Variants in NTM observed in about 807,000 individuals in gnomAD.
NTM encodes IgLON family member 2.
A neutral mutation model predicts 42.1 loss-of-function variants in NTM; 13 were observed. That is an observed-to-expected ratio of 0.31 (90% CI 0.20 to 0.49). The LOEUF (loss-of-function observed/expected upper bound fraction) is 0.49. Ranked by LOEUF, NTM falls within the 20% of genes least tolerant of loss-of-function variation. The probability of loss-of-function intolerance (pLI) is 0.99; values close to 1 mark genes in which losing one functional copy is unlikely to be tolerated. For missense variants in NTM, 373 were observed against 452.8 expected (o/e 0.82, Z 1.60); for synonymous variants, 187 against 179.2 (o/e 1.04, Z -0.35).
intron 2 of NTM, among the ~76,000 whole-genome samples, chr11:132,025,038 C>T (rs1357621123): frequency 6.6e-6 from 1 of 152,192 alleles, no homozygotes; most frequent in African/African-American, 2.4e-5. Flanking sequence ...CTGGAGACTC[C>T]TGTGTCTGAA....
chr11:131,913,295 G>A (rs1393689513), intron 2 of NTM, among the ~76,000 whole-genome samples: 1 of 152,156 alleles, frequency 6.6e-6, no homozygotes, highest in East Asian at 1.9e-4. Flanking sequence ...CAGGGACAGA[G>A]ACATTCTGAA....
rs192619247 is a variant in NTM at position 131,399,545 on chromosome 11, A to G, written c.82+28657A>G. ...TGAGGAGACTGAAGAGGATAGTTGA[A>G]CTGACACAGAAACTGAGTGATAGGG... On this transcript the variant is annotated intron_variant, in intron 1 of 8. Transcript: ENST00000683400. Among the ~76,000 whole-genome samples, 70 of 152,310 alleles carry G rather than the reference A, an allele frequency of 4.6e-4. No homozygotes were observed. In the East Asian group the frequency reaches 0.013, roughly 29 times the overall value.
chr11:131,844,083 T>C (rs563026189), intron 1 of NTM, among the ~76,000 whole-genome samples: 1 of 152,314 alleles, frequency 6.6e-6, no homozygotes, highest in African/African-American at 2.4e-5. Context: ...TGCGTTTGTG[T>C]TGGCATAAAA....
intron 2 of NTM, among the ~76,000 whole-genome samples, chr11:132,134,099 T>A (rs1382308560): frequency 6.6e-6 from 1 of 152,154 alleles, no homozygotes; most frequent in Non-Finnish European, 1.5e-5. Context: ...ATTTTTTTTC[T>A]TTTTTTGTAA....
At position 131,512,940 on chromosome 11, in the gene NTM, A is replaced by C. The variant is rs1266069936; in HGVS notation, c.82+142052A>C. Among the ~76,000 whole-genome samples the C allele has an allele frequency of 2.0e-5, 3 of 151,344 alleles. No homozygotes were observed. The East Asian group carries it at 5.9e-4, about 30-fold the overall frequency. ...GATCAATGGCTCAATTTAGCACCCG[A>C]TTATTCAGTCCTACGCTTGGCACCA... is the stretch of plus-strand genomic sequence containing the variant. On this transcript the variant is annotated intron_variant, in intron 1 of 8. Transcript: ENST00000683400.
intron 2 of NTM, among the ~76,000 whole-genome samples, chr11:132,111,856 T>C (rs550331653): frequency 2.0e-5 from 3 of 152,366 alleles, no homozygotes; most frequent in Admixed American, 1.3e-4. Context: ...GTAATAAAGA[T>C]GCTTCACCAC....
At position 132,335,426 on chromosome 11, in the gene NTM, C is replaced by T; in HGVS notation, c.*280C>T. On this transcript the variant is annotated 3_prime_UTR_variant, in exon 9 of 9. Transcript: ENST00000683400. ...CAGCACACCCGGCTTGGACCCACTG[C>T]AAGCTGCATCGTGCAACCTCTTTGG... 1 of 377,114 alleles carries T rather than the reference C, an allele frequency of 2.7e-6. No individual in the cohort carries two copies. The highest frequency in any genetic ancestry group is 4.9e-6 in the Non-Finnish European group (1 of 202,444). 23.4% of individuals were successfully genotyped at this position (377,114 alleles called of 1,614,324 possible).
At chr11:131,377,675 C>T (rs1020028023) in intron 1 of NTM, among the ~76,000 whole-genome samples, 18 of 152,188 alleles carry the variant, frequency 1.2e-4, no homozygotes, top group African/African-American at 3.6e-4. Flanking sequence ...GTGTTTTGGG[C>T]GTCACATTGT....
At chr11:131,546,529 A>T (rs998050902) in intron 1 of NTM, 1 of 152,210 alleles carries the variant, frequency 6.6e-6, no homozygotes, top group African/African-American at 2.4e-5. Context: ...TCTGGGACTC[A>T]GGAGGACAGC....
intron 1 of NTM, among the ~76,000 whole-genome samples, chr11:131,634,011 A>G (rs1172110243): frequency 6.6e-6 from 1 of 152,120 alleles, no homozygotes; most frequent in Non-Finnish European, 1.5e-5. Flanking sequence ...TATCCAAAGC[A>G]GCCCAACTCT....
intron 1 of NTM, among the ~76,000 whole-genome samples, chr11:131,862,202 G>C (rs1039706584): frequency 9.9e-5 from 15 of 152,204 alleles, no homozygotes; most frequent in African/African-American, 3.6e-4. Flanking sequence ...CAGCCCTGTG[G>C]AGGAGGGAAC....
chr11:131,398,571 T>C (rs114397821), intron 1 of NTM, among the ~76,000 whole-genome samples: 1,589 of 152,362 alleles, frequency 0.01, 37 homozygotes, highest in African/African-American at 0.036. Flanking sequence ...TTACATCAAG[T>C]AGATGTACAA....
chr11:132,029,553 T>C (rs986621261), intron 2 of NTM, among the ~76,000 whole-genome samples: 37 of 152,084 alleles, frequency 2.4e-4, no homozygotes, highest in African/African-American at 8.9e-4. Flanking sequence ...AAAAGCATGA[T>C]GATGATGACT....
chr11:132,188,604 C>G (rs2078808627), intron 3 of NTM, among the ~76,000 whole-genome samples: 1 of 152,078 alleles, frequency 6.6e-6, no homozygotes, highest in African/African-American at 2.4e-5. Context: ...GATGTTACTG[C>G]AGATAAAAAT....
At chr11:131,393,905 CT>C (rs1164557371) in intron 1 of NTM, among the ~76,000 whole-genome samples, 1 of 152,118 alleles carries the variant, frequency 6.6e-6, no homozygotes, top group African/African-American at 2.4e-5. Flanking sequence ...AACAAAAGTG[CT>C]TGTGGAATGA....
intron 1 of NTM, among the ~76,000 whole-genome samples, chr11:131,601,037 A>G (rs941493453): frequency 3.9e-5 from 6 of 152,180 alleles, no homozygotes; most frequent in Admixed American, 6.5e-5. Context: ...GAATAGATTC[A>G]GGTTTGGAGT....
chr11:131,556,430 G>T (rs2055421629), intron 1 of NTM, among the ~76,000 whole-genome samples: 1 of 152,314 alleles, frequency 6.6e-6, no homozygotes, highest in South Asian at 2.1e-4. Context: ...TAATTAATAA[G>T]TCAGAGTACC....
intron 1 of NTM, among the ~76,000 whole-genome samples, chr11:131,754,998 C>G (rs1191074033): frequency 6.6e-6 from 1 of 152,094 alleles, no homozygotes; most frequent in African/African-American, 2.4e-5. Context: ...CAAAACTAAT[C>G]TAAAGTGACA....
intron 1 of NTM, among the ~76,000 whole-genome samples, chr11:131,708,433 AAACATT>A (rs1385264762): frequency 5.3e-5 from 8 of 152,162 alleles, no homozygotes; most frequent in Non-Finnish European, 1.2e-4. Flanking sequence ...AAGTATTCCT[AAACATT>A]AACATTAGAG....
Sources: gnomAD v4.1 joint callset for allele counts (sites outside exome capture counted in the v4.1 genomes callset) on GRCh38, gnomAD v4.1.1 for gene constraint, MANE v1.5 for transcripts, NCBI Gene and HGNC (gene_info 2026-07-23, HGNC 2026-07-21) for gene names.